The following LRRC7 variants were observed in gnomAD, a reference collection of about 807,000 sequenced individuals.
LRRC7 encodes the protein leucine-rich repeat-containing protein 7.
Under a neutral mutation model 175.7 loss-of-function variants are expected in LRRC7, and 23 were observed. The ratio of observed to expected loss-of-function variants is 0.13; its 90% CI spans 0.09 to 0.19. The LOEUF is 0.19. LRRC7 is among the 10% of genes least tolerant of loss of function. The pLI, the probability that LRRC7 is intolerant of heterozygous loss-of-function variation, is 1.00. For synonymous variants in LRRC7, 685 were observed against 680.9 expected (o/e 1.01, Z -0.09); for missense variants, 1,354 against 1,904.7 (o/e 0.71, Z 5.38).
At chr1:69,664,871 T>G (rs1658040883) in intron 1 of LRRC7, among the ~76,000 whole-genome samples, 1 of 152,184 alleles carries the variant, frequency 6.6e-6, no homozygotes, top group East Asian at 1.9e-4. Flanking sequence ...TTCAAAAAAT[T>G]TTTGCCCTGA....
At chr1:70,107,962 G>A in intron 26 of LRRC7, 136 bp downstream of exon 26, 1 of 771,152 alleles carries the variant, frequency 1.3e-6, no homozygotes, top group Non-Finnish European at 2.1e-6. Flanking sequence ...TATTATTTTG[G>A]GGCTGAAAGT....
intron 1 of LRRC7, among the ~76,000 whole-genome samples, chr1:69,628,088 A>C (rs915403497): frequency 3.3e-5 from 5 of 152,168 alleles, no homozygotes; most frequent in Admixed American, 2.6e-4. Context: ...AGGCAAAAAT[A>C]TCTCTCTCAC....
intron 1 of LRRC7, among the ~76,000 whole-genome samples, chr1:69,588,933 GTTC>G (rs1407403947): frequency 2.0e-5 from 3 of 151,852 alleles, no homozygotes; most frequent in African/African-American, 7.3e-5. Context: ...GAGACAGTAT[GTTC>G]TTCTTTCCTT....
intron 7 of LRRC7, among the ~76,000 whole-genome samples, chr1:69,865,765 C>T (rs1684883405): frequency 6.6e-6 from 1 of 151,968 alleles, no homozygotes; most frequent in Non-Finnish European, 1.5e-5. Context: ...CAGGCGTGAG[C>T]TACCGCGCCC....
intron 14 of LRRC7, among the ~76,000 whole-genome samples, chr1:70,017,403 T>G (rs1317560145): frequency 6.6e-6 from 1 of 152,206 alleles, no homozygotes; most frequent in Non-Finnish European, 1.5e-5. Flanking sequence ...GTAAATAATT[T>G]TATTAACTGG....
rs769980164 is a variant in LRRC7, at chr1:69,738,078, T to A, written c.101-22113T>A. Among the ~76,000 whole-genome samples the A allele has an allele frequency of 1.1e-3, 174 of 152,064 alleles. 1 individual carries two copies. Among genetic ancestry groups the A allele is most frequent in the Non-Finnish European group, 2.1e-3 (146 of 68,002 alleles). On this transcript the variant is annotated intron_variant, in intron 2 of 26. Transcript: ENST00000651989. ...ATTCCAGAGGATGACACATCTTGTCTGGGCTTACTGAGATCGGTTTTAGTG... is the reference window on the plus strand; with the variant it reads ...ATTCCAGAGGATGACACATCTTGTCAGGGCTTACTGAGATCGGTTTTAGTG...
chr1:70,029,824 T>C (rs1279777947), intron 18 of LRRC7, among the ~76,000 whole-genome samples: 1 of 152,180 alleles, frequency 6.6e-6, no homozygotes, highest in Non-Finnish European at 1.5e-5. Context: ...TAGATGAGAC[T>C]TTGGTTATGA....
At chr1:70,071,338 A>G (rs1174032794) in intron 23 of LRRC7, among the ~76,000 whole-genome samples, 1 of 152,112 alleles carries the variant, frequency 6.6e-6, no homozygotes, top group African/African-American at 2.4e-5. Context: ...TCTCTTTATT[A>G]TTCATAGTCT....
chr1:69,939,013 ATCTATATATATATATATCTATATATATC>A (rs1350508018), intron 8 of LRRC7, among the ~76,000 whole-genome samples: 8 of 125,600 alleles, frequency 6.4e-5, no homozygotes, highest in African/African-American at 1.9e-4. Flanking sequence ...ATATATATAT[ATCTATATATATATATATCTATATATATC>A]TATATCTATC....
chr1:69,969,115 G>T (rs1651966302), intron 8 of LRRC7, among the ~76,000 whole-genome samples: 1 of 151,930 alleles, frequency 6.6e-6, no homozygotes, highest in Non-Finnish European at 1.5e-5. Context: ...ACCGTGCCTG[G>T]CCAAGGAGCT....
intron 26 of LRRC7, among the ~76,000 whole-genome samples, chr1:70,118,762 CA>C (rs1449929600): frequency 6.6e-6 from 1 of 152,090 alleles, no homozygotes; most frequent in Non-Finnish European, 1.5e-5. Context: ...ACTAAACCAA[CA>C]GGTTTCACAC....
At chr1:70,043,609 G>A (rs1306589942) in intron 21 of LRRC7, among the ~76,000 whole-genome samples, 2 of 152,164 alleles carry the variant, frequency 1.3e-5, no homozygotes, top group Admixed American at 6.5e-5. Flanking sequence ...CTCACTGTTC[G>A]AATTTTTAAA....
rs1666747077 is a variant in LRRC7, at chr1:70,133,275, C to T, written c.*11388C>T. 6.6e-6 allele frequency among the ~76,000 whole-genome samples: 1 copy of T among 152,090 alleles called. No homozygotes were observed. The highest frequency in any genetic ancestry group is 1.5e-5 in the Non-Finnish European group (1 of 68,018). ...TCGCTCTGTCGCCCAGGCTGGAGTG[C>T]AGTGGCGCGATCTCGGCTCACTGCA... On this transcript the variant is annotated 3_prime_UTR_variant, in exon 27 of 27. Transcript: ENST00000651989.
At chr1:69,625,013 G>A (rs950673221) in intron 1 of LRRC7, among the ~76,000 whole-genome samples, 19 of 151,794 alleles carry the variant, frequency 1.3e-4, no homozygotes, top group South Asian at 2.1e-4. Context: ...GAAACAATTC[G>A]TCAAAGACCT....
intron 1 of LRRC7, among the ~76,000 whole-genome samples, chr1:69,577,943 A>G (rs913123232): frequency 1.3e-5 from 2 of 152,126 alleles, no homozygotes; most frequent in African/African-American, 2.4e-5. Flanking sequence ...TGATGGGGAT[A>G]GCATTGAATC....
In LRRC7 at chr1:69,662,225, T is replaced by C. The variant is rs577120962; in HGVS notation, c.3-16156T>C. Among the ~76,000 whole-genome samples, 18 of 152,242 alleles carry C rather than the reference T, an allele frequency of 1.2e-4. No homozygotes were observed. In the South Asian group the frequency reaches 3.5e-3, roughly 30 times the overall value. ...TCTATAACCATAAGCTCATTAGTAC[T>C]GTGTAGGGCATACATTTATTGCTAA... On this transcript the variant is annotated intron_variant, in intron 1 of 26. Transcript: ENST00000651989.
intron 16 of LRRC7, 22 bp downstream of exon 16, chr1:70,021,151 T>A (rs1475410541): frequency 6.2e-7 from 1 of 1,602,102 alleles, no homozygotes; most frequent in Non-Finnish European, 8.5e-7. Context: ...AGCTTTTGTT[T>A]CCTCTTTCTT....
rs148312372 is a variant in LRRC7, at chr1:69,713,818, C to T, written c.100+35340C>T. Among the ~76,000 whole-genome samples the T allele has an allele frequency of 2.1e-3, 312 of 151,808 alleles. 1 individual carries two copies. Among genetic ancestry groups the T allele is most frequent in the African/African-American group, 7.1e-3 (295 of 41,396 alleles). ...GATAATTGTTTAACATTAATACAGACTTTTGCCCCAAATAAGAATTTCCAG... is the reference window on the plus strand; with the variant it reads ...GATAATTGTTTAACATTAATACAGATTTTTGCCCCAAATAAGAATTTCCAG... On this transcript the variant is annotated intron_variant, in intron 2 of 26. Coordinates refer to ENST00000651989, the MANE Select transcript of LRRC7 (RefSeq NM_001370785.2).
chr1:69,643,468 A>G (rs1190715273), intron 1 of LRRC7, among the ~76,000 whole-genome samples: 1 of 152,120 alleles, frequency 6.6e-6, no homozygotes, highest in African/African-American at 2.4e-5. Flanking sequence ...CTTTTCTCCA[A>G]AAACAGAAAT....
Sources: allele counts gnomAD v4.1 joint callset (sites outside exome capture counted in the v4.1 genomes callset), GRCh38; gene constraint gnomAD v4.1.1; transcripts MANE v1.5; gene names NCBI Gene and HGNC (gene_info 2026-07-23, HGNC 2026-07-21).